Variants in SLC39A10 observed in about 807,000 individuals in gnomAD.
The protein encoded by SLC39A10 is solute carrier family 39 member 10, also known as zinc transporter ZIP10.
Under a neutral mutation model 65.1 loss-of-function variants are expected in SLC39A10, and 13 were observed. The ratio of observed to expected loss-of-function variants is 0.20; its 90% CI spans 0.13 to 0.32. SLC39A10 has a LOEUF of 0.32. Among genes scored for constraint, SLC39A10 ranks in the 10% least tolerant of loss-of-function variants. The pLI, the probability that SLC39A10 is intolerant of heterozygous loss-of-function variation, is 1.00. For synonymous variants in SLC39A10, 321 were observed against 342.2 expected (o/e 0.94, Z 0.68); for missense variants, 831 against 1,018.4 (o/e 0.82, Z 2.50).
intron 9 of SLC39A10, among the ~76,000 whole-genome samples, chr2:195,729,681 C>T (rs1035751179): frequency 6.6e-6 from 1 of 152,156 alleles, no homozygotes; most frequent in Admixed American, 6.6e-5. Context: ...TTTCTATTAG[C>T]CTATAAACCT....
At chr2:195,656,820 G>A (rs1689157922), upstream of SLC39A10, 1 of 152,228 alleles carries the variant, frequency 6.6e-6, no homozygotes, top group Non-Finnish European at 1.5e-5. Context: ...CCTTGCCCAA[G>A]GCCTCAGCAA....
chr2:195,656,500 A>G (rs1689147751), upstream of SLC39A10, among the ~76,000 whole-genome samples: 4 of 152,194 alleles, frequency 2.6e-5, no homozygotes, highest in Admixed American at 2.6e-4. Flanking sequence ...AAAGTTGCCA[A>G]AAGCCTCGAG....
intron 1 of SLC39A10, among the ~76,000 whole-genome samples, chr2:195,662,468 GTT>G (rs1204897140): frequency 2.8e-5 from 3 of 105,722 alleles, no homozygotes; most frequent in Non-Finnish European, 5.7e-5. Flanking sequence ...AGAGACAAGA[GTT>G]TCACCATGTT....
At position 195,683,730 on chromosome 2, in the gene SLC39A10, A is replaced by G. The variant is rs1441352165; in HGVS notation, c.1040A>G (p.Tyr347Cys). 1.9e-6 allele frequency: 3 copies of G among 1,613,156 alleles called. No homozygotes were observed. The highest frequency in any genetic ancestry group is 1.1e-5 in the South Asian group (1 of 91,044). Residue 347 changes from tyrosine (Y) to cysteine (C), a missense_variant, in exon 3 of 10, where the codon TAT becomes TGT. By Grantham distance (194) the Tyr-to-Cys change is radical. This residue lies in a region of SLC39A10 where 446 missense variants were observed against 499.2 expected (regional missense o/e 0.89). Transcript: ENST00000359634. ...CLNVTQLLKY[Y>C]GHGANSPIST... ...AACGTCACTCAGTTATTAAAATACT[A>G]TGGTCATGGTGCCAACTCTCCCATC...
At chr2:195,674,071 TTGTC>T (rs1182245196) in intron 1 of SLC39A10, among the ~76,000 whole-genome samples, 1 of 152,204 alleles carries the variant, frequency 6.6e-6, no homozygotes, top group Non-Finnish European at 1.5e-5. Context: ...TGTTTTAAGA[TTGTC>T]TGTAAATTAT....
chr2:195,616,144 G>A (rs571686662), intron 2 of SLC39A10, among the ~76,000 whole-genome samples: 7 of 152,126 alleles, frequency 4.6e-5, no homozygotes, highest in African/African-American at 1.4e-4. Context: ...CAGTAGAGAC[G>A]GGTTTTCACC....
intron 1 of SLC39A10, among the ~76,000 whole-genome samples, chr2:195,672,708 G>T (rs541009509): frequency 2.0e-5 from 3 of 152,106 alleles, no homozygotes; most frequent in African/African-American, 7.2e-5. Context: ...TTTGTGTTTC[G>T]TGGAGTCATT....
At chr2:195,640,508 A>G (rs997364003) in intron 2 of SLC39A10, among the ~76,000 whole-genome samples, 4 of 152,024 alleles carry the variant, frequency 2.6e-5, no homozygotes, top group African/African-American at 9.7e-5. Context: ...TTTTTTAAAC[A>G]GGGAGTAATG....
At chr2:195,695,284 T>A (rs913816391) in intron 3 of SLC39A10, among the ~76,000 whole-genome samples, 1 of 152,124 alleles carries the variant, frequency 6.6e-6, no homozygotes, top group East Asian at 1.9e-4. Context: ...GTGGCCGCTG[T>A]GGGGGATGGG....
At chr2:195,616,863 G>C (rs933426721) in intron 2 of SLC39A10, among the ~76,000 whole-genome samples, 1 of 151,604 alleles carries the variant, frequency 6.6e-6, no homozygotes, top group Non-Finnish European at 1.5e-5. Context: ...TCAGCCTCCC[G>C]AAGTTCTAGG....
At chr2:195,676,526 A>C (rs898512467) in intron 1 of SLC39A10, among the ~76,000 whole-genome samples, 9 of 152,080 alleles carry the variant, frequency 5.9e-5, no homozygotes, top group Non-Finnish European at 1.0e-4. Flanking sequence ...ACTTGTTGAT[A>C]ATTTTGCTTT....
Position 195,680,899 on chromosome 2 carries a change from A to G in SLC39A10, c.857A>G (p.Asn286Ser), listed in dbSNP as rs1690283219. The G allele has an allele frequency of 2.5e-6, 4 of 1,614,184 alleles. No homozygotes were observed. The highest frequency in any genetic ancestry group is 3.4e-6 in the Non-Finnish European group (4 of 1,180,028). ...TCTCATGTACATCTTCCAGAACGTA[A>G]TGGTCATGATCCTGGTCGTGGACAC... ...GHSHVHLPER[N>S]GHDPGRGHQD... Residue 286 changes from asparagine to serine, a missense_variant, in exon 2 of 10, where the codon AAT (asparagine) becomes AGT (serine). By Grantham distance (46) the Asn-to-Ser change is conservative. Transcript: ENST00000359634.
intron 2 of SLC39A10, among the ~76,000 whole-genome samples, chr2:195,651,638 CTAATTTTTGTATTTTTA>C (rs1391953927): frequency 6.9e-4 from 105 of 152,250 alleles, no homozygotes; most frequent in African/African-American, 2.4e-3. Context: ...TCACATCCAG[CTAATTTTTGTATTTTTA>C]GTAGAGATGG....
intron 2 of SLC39A10, among the ~76,000 whole-genome samples, chr2:195,681,302 A>C (rs6434794): frequency 6.6e-6 from 1 of 152,118 alleles, no homozygotes; most frequent in East Asian, 1.9e-4. Flanking sequence ...CGAGGCGGGT[A>C]GATCATGAGG....
At chr2:195,714,775 C>T (rs1019318136) in intron 6 of SLC39A10, among the ~76,000 whole-genome samples, 19 of 151,710 alleles carry the variant, frequency 1.3e-4, no homozygotes, top group Non-Finnish European at 2.4e-4. Flanking sequence ...TTTTTTGAGA[C>T]GGAGTTTCAC....
intron 2 of SLC39A10, among the ~76,000 whole-genome samples, chr2:195,622,772 A>G (rs917029181): frequency 3.3e-5 from 5 of 152,212 alleles, no homozygotes; most frequent in African/African-American, 9.6e-5. Context: ...GGAGTTAAAG[A>G]CCAGCCTGGC....
At chr2:195,720,346 C>T (rs1420397024) in intron 8 of SLC39A10, among the ~76,000 whole-genome samples, 2 of 152,154 alleles carry the variant, frequency 1.3e-5, no homozygotes, top group African/African-American at 2.4e-5. Context: ...TGGTTTTCTT[C>T]TTTTATAAAT....
intron 3 of SLC39A10, among the ~76,000 whole-genome samples, chr2:195,684,664 C>T (rs544486984): frequency 6.6e-6 from 1 of 151,770 alleles, no homozygotes; most frequent in African/African-American, 2.4e-5. Flanking sequence ...GGTATGAAGT[C>T]CAGTTAAAGC....
intron 3 of SLC39A10, among the ~76,000 whole-genome samples, chr2:195,704,155 AT>A: frequency 6.6e-6 from 1 of 152,102 alleles, no homozygotes; most frequent in South Asian, 2.1e-4. Context: ...AATACATTTT[AT>A]TTTTTTCTCC....
Sources: allele counts gnomAD v4.1 joint callset (sites outside exome capture counted in the v4.1 genomes callset), GRCh38; gene constraint gnomAD v4.1.1; regional missense constraint gnomAD v4.1.1; transcripts MANE v1.5; gene names NCBI Gene and HGNC (gene_info 2026-07-23, HGNC 2026-07-21).